Variants in SYN3 observed in about 807,000 individuals in gnomAD.
The protein encoded by SYN3 is synapsin-3.
SYN3 carries 35 observed loss-of-function variants against 65.8 expected under a neutral mutation model. The ratio of observed to expected loss-of-function variants is 0.53; its 90% CI spans 0.41 to 0.70. SYN3 has a LOEUF of 0.70. Ranked by LOEUF, SYN3 falls within the 30% of genes least tolerant of loss-of-function variation. The pLI is 0.00. For missense variants in SYN3, 680 were observed against 749.0 expected, an observed-to-expected ratio of 0.91 and a Z score of 1.08; for synonymous variants, 270 against 292.9, an observed-to-expected ratio of 0.92 and a Z score of 0.80.
intron 1 of SYN3, among the ~76,000 whole-genome samples, chr22:33,017,317 A>C (rs1475236613): frequency 6.6e-6 from 1 of 152,204 alleles, no homozygotes; most frequent in Non-Finnish European, 1.5e-5. Context: ...ATAGATTTCA[A>C]GTGCCTCTAG....
In SYN3 at chr22:32,873,972, C is replaced by A. The variant is rs1241534419; in HGVS notation, c.462-4847G>T. Among the ~76,000 whole-genome samples the A allele has an allele frequency of 7.8e-4, 109 of 139,540 alleles. No homozygotes were observed. In the East Asian group the frequency reaches 0.019, roughly 24 times the overall value. 91.5% of individuals were successfully genotyped at this position (139,540 alleles called of 152,430 possible). ...CAAAACCCCATCTCTACAAAAAATA[C>A]AAAAAAAAAAAATTAGCTGGGCATA... is the stretch of plus-strand genomic sequence containing the variant. On this transcript the variant is annotated intron_variant, in intron 4 of 13. Transcript: ENST00000358763.
At chr22:32,543,211 G>A (rs889291680) in intron 7 of SYN3, among the ~76,000 whole-genome samples, 6 of 152,132 alleles carry the variant, frequency 3.9e-5, no homozygotes, top group African/African-American at 7.2e-5. Flanking sequence ...ACAGCTCTCC[G>A]TGGGGCCCAA....
intron 6 of SYN3, among the ~76,000 whole-genome samples, chr22:32,758,547 T>C (rs2045359574): frequency 6.6e-6 from 1 of 150,622 alleles, no homozygotes; most frequent in East Asian, 2.0e-4. Flanking sequence ...CCGTGCTGGA[T>C]GCTTCCTGCC....
At chr22:32,594,852 T>C (rs913659329) in intron 7 of SYN3, among the ~76,000 whole-genome samples, 1 of 152,032 alleles carries the variant, frequency 6.6e-6, no homozygotes, top group Non-Finnish European at 1.5e-5. Flanking sequence ...TATAACAGGG[T>C]AGGGAAAACT....
In SYN3 at chr22:32,825,704, T is replaced by A. The variant is rs985185097; in HGVS notation, c.711+39211A>T. ...AAAAAAAAAAAAAAAAAAAGATGTG[T>A]GTATGTGTGTATGCTTATATATATA... On this transcript the variant is annotated intron_variant, in intron 6 of 13. Coordinates refer to ENST00000358763, the MANE Select transcript of SYN3 (RefSeq NM_003490.4). Among the ~76,000 whole-genome samples, 16 of 142,882 alleles carry A rather than the reference T, an allele frequency of 1.1e-4. 1 individual carries two copies. The South Asian group carries it at 3.4e-3, about 31-fold the overall frequency. 93.7% of individuals were successfully genotyped at this position (142,882 alleles called of 152,430 possible). A position where few individuals can be genotyped will look rare whatever the true frequency, so the allele number is the denominator to read the frequency against.
chr22:32,918,056 T>C (rs1601692735), intron 4 of SYN3, among the ~76,000 whole-genome samples: 1 of 152,238 alleles, frequency 6.6e-6, no homozygotes, highest in African/African-American at 2.4e-5. Context: ...CTGTGGGTGG[T>C]GGGCTGTCAG....
At position 32,669,092 on chromosome 22, in the gene SYN3, T is replaced by A. The variant is rs368396457; in HGVS notation, c.712-72356A>T. ...GGTATGTAAATCTATATTTTGCAGA[T>A]ACAGAAACTGAGTCATAGGCTAAGT... On this transcript the variant is annotated intron_variant, in intron 6 of 13. Transcript: ENST00000358763. Among the ~76,000 whole-genome samples the A allele has an allele frequency of 4.1e-3, 619 of 152,342 alleles. 2 individuals are homozygous for A. The highest frequency in any genetic ancestry group is 0.014 in the African/African-American group (574 of 41,572).
intron 2 of SYN3, among the ~76,000 whole-genome samples, chr22:33,005,299 C>A (rs1246748058): frequency 2.0e-5 from 3 of 152,222 alleles, no homozygotes; most frequent in Admixed American, 1.3e-4. Context: ...CACTGTCAGA[C>A]TTTTCTGGTT....
At chr22:32,973,700 G>T (rs2052093782) in intron 3 of SYN3, among the ~76,000 whole-genome samples, 1 of 152,148 alleles carries the variant, frequency 6.6e-6, no homozygotes, top group Non-Finnish European at 1.5e-5. Context: ...CAGAAACCTG[G>T]GTTCAGATTC....
At position 33,006,419 on chromosome 22, in the gene SYN3, C is replaced by T. The variant is rs111676476; in HGVS notation, c.244G>A (p.Gly82Ser). 4 of 1,614,040 alleles carry T rather than the reference C, an allele frequency of 2.5e-6. No homozygotes were observed. The highest frequency in any genetic ancestry group is 1.3e-5 in the African/African-American group (1 of 74,926). Residue 82 changes from glycine to serine, a missense_variant, in exon 2 of 14, where the codon GGT (glycine) becomes AGT (serine). Coordinates refer to ENST00000358763, the MANE Select transcript of SYN3 (RefSeq NM_003490.4). ...CTTTGAACAATGGGCGTGGAGGGACCTGGAGGCTCCATCAGTCCTGAGGTG... is the reference window on the plus strand; with the variant it reads ...CTTTGAACAATGGGCGTGGAGGGACTTGGAGGCTCCATCAGTCCTGAGGTG... The part of the protein sequence containing the change: ...QATSGLMEPP[G>S]PSTPIVQRPR...
intron 6 of SYN3, among the ~76,000 whole-genome samples, chr22:32,689,949 G>A (rs1159935200): frequency 6.6e-6 from 1 of 152,168 alleles, no homozygotes; most frequent in Non-Finnish European, 1.5e-5. Context: ...GCCGAGGCAG[G>A]AGGATTACCT....
chr22:33,004,637 T>C (rs927250011), intron 2 of SYN3, among the ~76,000 whole-genome samples: 1 of 152,240 alleles, frequency 6.6e-6, no homozygotes. Flanking sequence ...AATGCGTGTA[T>C]TTACCCAATG....
intron 6 of SYN3, among the ~76,000 whole-genome samples, chr22:32,742,483 G>T (rs1470996263): frequency 1.3e-5 from 2 of 152,092 alleles, no homozygotes; most frequent in Non-Finnish European, 2.9e-5. Context: ...GGAAAAGAAT[G>T]GTTGGGAGAG....
chr22:32,715,060 T>C (rs1020790254), intron 6 of SYN3, among the ~76,000 whole-genome samples: 13 of 152,208 alleles, frequency 8.5e-5, no homozygotes, highest in African/African-American at 3.1e-4. Context: ...TGAAATACAT[T>C]AGGAAAACCT....
intron 9 of SYN3, among the ~76,000 whole-genome samples, 190 bp from the exon 10 acceptor site, chr22:32,534,085 G>T (rs1169230639): frequency 6.6e-6 from 1 of 152,140 alleles, no homozygotes; most frequent in Non-Finnish European, 1.5e-5. Context: ...AGTCCAACAC[G>T]CAGAGACAGA....
intron 1 of SYN3, among the ~76,000 whole-genome samples, chr22:33,050,370 C>G (rs1232593179): frequency 6.6e-6 from 1 of 151,118 alleles, no homozygotes; most frequent in Non-Finnish European, 1.5e-5. Context: ...GTAGTCCCAG[C>G]TACTCGGGAG....
intron 1 of SYN3, among the ~76,000 whole-genome samples, chr22:33,056,659 C>T (rs967823014): frequency 2.0e-4 from 31 of 152,232 alleles, no homozygotes; most frequent in Admixed American, 1.6e-3. Flanking sequence ...ATCTCAGAAG[C>T]GCCAAGTCTT....
chr22:32,784,454 C>T (rs1337356675), intron 6 of SYN3, among the ~76,000 whole-genome samples: 2 of 152,140 alleles, frequency 1.3e-5, no homozygotes, highest in Non-Finnish European at 2.9e-5. Flanking sequence ...CAGGTAGAAA[C>T]TGAGGAACCA....
chr22:32,907,163 A>G (rs139068793), intron 4 of SYN3, among the ~76,000 whole-genome samples: 218 of 152,312 alleles, frequency 1.4e-3, no homozygotes, highest in African/African-American at 5.1e-3. Flanking sequence ...TGTGCTCATC[A>G]TGTGTCCCAG....
Sources: gnomAD v4.1 joint callset for allele counts (sites outside exome capture counted in the v4.1 genomes callset) on GRCh38, gnomAD v4.1.1 for gene constraint, MANE v1.5 for transcripts, NCBI Gene and HGNC (gene_info 2026-07-23, HGNC 2026-07-21) for gene names.